The following ANO3 variants were observed in gnomAD, a reference collection of about 807,000 sequenced individuals.
ANO3 encodes the protein anoctamin 3.
In ANO3, 99 loss-of-function variants were observed where a neutral mutation model predicts 144.8. The ratio of observed to expected loss-of-function variants is 0.68; its 90% CI spans 0.58 to 0.81. The LOEUF (loss-of-function observed/expected upper bound fraction) is 0.81. ANO3 is among the 30% of genes least tolerant of loss of function. ANO3 has a pLI of 0.00. For missense variants in ANO3, 905 were observed against 1,202.2 expected (o/e 0.75, Z 3.66); for synonymous variants, 414 against 392.6 (o/e 1.05, Z -0.64).
At chr11:26,594,209 C>A (rs956181051) in intron 14 of ANO3, among the ~76,000 whole-genome samples, 2 of 152,142 alleles carry the variant, frequency 1.3e-5, no homozygotes, top group African/African-American at 4.8e-5. Context: ...CAAATGTCTG[C>A]GGCACCAATC....
intron 1 of ANO3, among the ~76,000 whole-genome samples, chr11:26,386,369 A>T (rs1171224178): frequency 6.6e-6 from 1 of 152,144 alleles, no homozygotes; most frequent in Non-Finnish European, 1.5e-5. Flanking sequence ...CATCCATCAT[A>T]GTGCTTGTTA....
At chr11:26,610,462 A>G (rs397431) in intron 17 of ANO3, among the ~76,000 whole-genome samples, 132,378 of 151,994 alleles carry the variant, frequency 0.87, 58,006 homozygotes, top group East Asian at 0.96. Context: ...CTTGTCAGAT[A>G]TATAGTTGCA....
intron 14 of ANO3, among the ~76,000 whole-genome samples, chr11:26,577,824 A>G (rs1352340257): frequency 1.3e-5 from 2 of 152,192 alleles, no homozygotes; most frequent in African/African-American, 2.4e-5. Flanking sequence ...CACCCAATTG[A>G]GTATAATGAT....
intron 1 of ANO3, among the ~76,000 whole-genome samples, chr11:26,374,280 T>A (rs1856342780): frequency 6.6e-6 from 1 of 152,220 alleles, no homozygotes; most frequent in Non-Finnish European, 1.5e-5. Flanking sequence ...GTAATAAACA[T>A]CATGTTTAGC....
chr11:26,560,999 G>T, intron 14 of ANO3: 1 of 1,469,334 alleles, frequency 6.8e-7, no homozygotes, highest in Non-Finnish European at 9.2e-7. Flanking sequence ...CCTTTTGAAA[G>T]ATGAATTTGT....
At chr11:26,391,567 T>C (rs1856880200) in intron 1 of ANO3, among the ~76,000 whole-genome samples, 1 of 152,220 alleles carries the variant, frequency 6.6e-6, no homozygotes, top group African/African-American at 2.4e-5. Flanking sequence ...GCATACACTT[T>C]CTAGTTTTGG....
At chr11:26,438,610 A>AAAAAAAAAAAAAAAT (rs1565024969) in intron 1 of ANO3, among the ~76,000 whole-genome samples, 1 of 73,848 alleles carries the variant, frequency 1.4e-5, no homozygotes, top group Admixed American at 2.0e-4. Flanking sequence ...AAAAAAAAAG[A>AAAAAAAAAAAAAAAT]AAAAAAAAAA....
chr11:26,351,573 G>A (rs752403924), intron 1 of ANO3, among the ~76,000 whole-genome samples: 64 of 152,102 alleles, frequency 4.2e-4, no homozygotes, highest in Non-Finnish European at 8.1e-4. Context: ...GATTCTGTGC[G>A]TCATGGTCAT....
At chr11:26,575,955 T>C (rs1199105097) in intron 14 of ANO3, among the ~76,000 whole-genome samples, 1 of 152,142 alleles carries the variant, frequency 6.6e-6, no homozygotes, top group Non-Finnish European at 1.5e-5. Context: ...ATTTAAAAAA[T>C]AAACAATACT....
chr11:26,315,568 C>T (rs937024184), intron 1 of ANO3, among the ~76,000 whole-genome samples: 1 of 151,384 alleles, frequency 6.6e-6, no homozygotes. Flanking sequence ...TCTACTTGAT[C>T]GTTGACAAGT....
At chr11:26,312,045 G>A (rs574319574) in intron 1 of ANO3, among the ~76,000 whole-genome samples, 62 of 152,002 alleles carry the variant, frequency 4.1e-4, no homozygotes, top group Admixed American at 7.9e-4. Flanking sequence ...TTCCCCACCC[G>A]GTGTCCAAGT....
chr11:26,324,679 G>A (rs553219686), intron 1 of ANO3, among the ~76,000 whole-genome samples: 7 of 152,324 alleles, frequency 4.6e-5, no homozygotes, highest in East Asian at 3.9e-4. Flanking sequence ...ATTGGCTCAC[G>A]TGGGGGCTGG....
At chr11:26,426,287 T>G (rs1035121807) in intron 1 of ANO3, among the ~76,000 whole-genome samples, 4 of 152,182 alleles carry the variant, frequency 2.6e-5, no homozygotes, top group Non-Finnish European at 5.9e-5. Context: ...CTTTTTATTT[T>G]GTCTGTAATT....
At chr11:26,252,769 A>G (rs1272535160) in intron 1 of ANO3, among the ~76,000 whole-genome samples, 2 of 152,140 alleles carry the variant, frequency 1.3e-5, no homozygotes, top group Non-Finnish European at 2.9e-5. Context: ...TCAGTGAACA[A>G]CATTTCATGA....
chr11:26,637,977 G>T (rs6484226), intron 20 of ANO3, among the ~76,000 whole-genome samples: 1 of 151,940 alleles, frequency 6.6e-6, no homozygotes, highest in Non-Finnish European at 1.5e-5. Flanking sequence ...GATTTTTGTT[G>T]AAATCACGTT....
At chr11:26,602,751 A>AG (rs540727089) in intron 17 of ANO3, among the ~76,000 whole-genome samples, 2 of 6,530 alleles carry the variant, frequency 3.1e-4, no homozygotes, top group Non-Finnish European at 1.7e-3. Context: ...ACCAAGTCTC[A>AG]AAAAAAAAAG....
chr11:26,448,090 G>A (rs952261044), intron 3 of ANO3, among the ~76,000 whole-genome samples: 3 of 151,764 alleles, frequency 2.0e-5, no homozygotes, highest in African/African-American at 4.8e-5. Flanking sequence ...ACCTGAGGTC[G>A]GGAGTTCGAG....
chr11:26,509,564 C>A (rs1039212917), intron 5 of ANO3, among the ~76,000 whole-genome samples: 1 of 152,116 alleles, frequency 6.6e-6, no homozygotes, highest in African/African-American at 2.4e-5. Flanking sequence ...CTGCCCACTT[C>A]AGCCCCCCAA....
intron 1 of ANO3, among the ~76,000 whole-genome samples, chr11:26,210,541 A>C (rs1426683040): frequency 6.6e-6 from 1 of 152,062 alleles, no homozygotes; most frequent in Non-Finnish European, 1.5e-5. Context: ...CAGCTTCATG[A>C]AGATAGCATT....
Sources: allele counts gnomAD v4.1 joint callset (sites outside exome capture counted in the v4.1 genomes callset), GRCh38; gene constraint gnomAD v4.1.1; transcripts MANE v1.5; gene names NCBI Gene and HGNC (gene_info 2026-07-23, HGNC 2026-07-21).